Variants in IL10RA observed in about 807,000 individuals in gnomAD.
IL10RA encodes the protein interleukin 10 receptor subunit alpha.
A neutral mutation model predicts 29.6 loss-of-function variants in IL10RA; 18 were observed. The ratio of observed to expected loss-of-function variants is 0.61; its 90% CI spans 0.42 to 0.90. IL10RA has a LOEUF of 0.90. Among genes scored for constraint, IL10RA ranks in the 40% least tolerant of loss-of-function variants. The pLI, the probability that IL10RA is intolerant of heterozygous loss-of-function variation, is 0.00. For missense variants in IL10RA, 634 were observed against 716.6 expected (o/e 0.88, Z 1.32); for synonymous variants, 292 against 294.1 (o/e 0.99, Z 0.07).
intron 1 of IL10RA, chr11:117,987,671 A>G (rs1397122248): frequency 7.0e-5 from 11 of 157,560 alleles, no homozygotes; most frequent in Admixed American, 6.8e-4. Context: ...AATGGTGTGT[A>G]CTGGGGGTAA....
At chr11:117,988,524 G>C (rs776942141) in intron 2 of IL10RA, 22 bp downstream of exon 2, 2 of 1,612,826 alleles carry the variant, frequency 1.2e-6, no homozygotes, top group South Asian at 1.1e-5. Context: ...GGAAGAGGGA[G>C]GGGGAGGGAG....
At chr11:117,987,054 G>GCCAGTTCAGGCTTCTAAC (rs979608206) in intron 1 of IL10RA, 1 of 373,346 alleles carries the variant, frequency 2.7e-6, no homozygotes, top group African/African-American at 2.1e-5. Context: ...TCCTAACCCA[G>GCCAGTTCAGGCTTCTAAC]CCAGTTCAGG....
intron 5 of IL10RA, 120 bp downstream of exon 5, chr11:117,994,269 C>A: frequency 1.3e-6 from 1 of 778,122 alleles, no homozygotes; most frequent in Non-Finnish European, 2.1e-6. Context: ...CTTCACATAG[C>A]TCTGCATCCT....
chr11:117,999,336 G>T lies in IL10RA; in HGVS notation c.1432G>T (p.Gly478Trp). 2 of 1,614,224 alleles carry T rather than the reference G, an allele frequency of 1.2e-6. No individual in the cohort carries two copies. Among genetic ancestry groups the T allele is most frequent in the Non-Finnish European group, 1.7e-6 (2 of 1,180,040 alleles). The change falls in exon 7 of 7, where the codon GGG becomes TGG. Residue 478 changes from glycine to tryptophan, a missense_variant. By Grantham distance (184) the Gly-to-Trp change is radical. Coordinates refer to ENST00000227752, the MANE Select transcript of IL10RA (RefSeq NM_001558.4). ...GACAGATGGCCTTGGCCCCAAATTC[G>T]GGAGATGCCTGGTTGATGAGGCAGG... ...PLTDGLGPKF[G>W]RCLVDEAGLH...
chr11:117,987,025 C>G, intron 1 of IL10RA: 1 of 403,916 alleles, frequency 2.5e-6, no homozygotes. Context: ...CTCACTCCCA[C>G]TGCCCCCTGC....
rs781535447 is a variant in IL10RA at position 117,999,338 on chromosome 11, G to A, written c.1434G>A (p.Gly478=). The A allele has an allele frequency of 1.9e-6, 3 of 1,614,246 alleles. No individual in the cohort carries two copies. Among genetic ancestry groups the A allele is most frequent in the East Asian group, 2.2e-5 (1 of 44,890 alleles). ...CAGATGGCCTTGGCCCCAAATTCGG[G>A]AGATGCCTGGTTGATGAGGCAGGCT... ...PLTDGLGPKF[G]RCLVDEAGLH... The change falls in exon 7 of 7, where the codon GGG becomes GGA. Residue 478 remains glycine (G), a synonymous_variant. Transcript: ENST00000227752.
Position 118,000,767 on chromosome 11 carries a change from T to A in IL10RA, c.*1126T>A. The A allele has an allele frequency of 2.2e-6, 1 of 454,296 alleles. No individual in the cohort carries two copies. Among genetic ancestry groups the A allele is most frequent in the Non-Finnish European group, 4.4e-6 (1 of 226,788 alleles). 28.1% of individuals were successfully genotyped at this position (454,296 alleles called of 1,614,324 possible). ...TGCTGGGTATTAGCCAAGCTGGTCC[T>A]GGGAGAATGCAGATACTGTCCGTGG... On this transcript the variant is annotated 3_prime_UTR_variant, in exon 7 of 7. Transcript: ENST00000227752.
Position 117,999,142 on chromosome 11 carries a change from C to T in IL10RA, c.1238C>T (p.Ala413Val). The T allele has an allele frequency of 6.2e-7, 1 of 1,613,816 alleles. No individual in the cohort carries two copies. Among genetic ancestry groups the T allele is most frequent in the Non-Finnish European group, 8.5e-7 (1 of 1,179,692 alleles). ...TTAGTTCAAAACTCTGAGGGCCGGG[C>T]TGGGGACACACAGGGTGGCTCGGCC... ...IDLVQNSEGR[A>V]GDTQGGSALG... Residue 413 changes from alanine (A) to valine (V), a missense_variant, in exon 7 of 7, where the codon GCT becomes GTT. By Grantham distance (64) the Ala-to-Val change is moderately conservative. Transcript: ENST00000227752.
chr11:117,998,085 G>A (rs1397958252), intron 6 of IL10RA, among the ~76,000 whole-genome samples: 1 of 152,176 alleles, frequency 6.6e-6, no homozygotes, highest in Non-Finnish European at 1.5e-5. Flanking sequence ...TTCACTGTGA[G>A]TTCCACACTT....
At position 117,994,547 on chromosome 11, in the gene IL10RA, C is replaced by T. The variant is rs901677981; in HGVS notation, c.688+398C>T. 4.6e-5 allele frequency among the ~76,000 whole-genome samples: 7 copies of T among 152,214 alleles called. No homozygotes were observed. In the South Asian group the frequency reaches 6.2e-4, roughly 13 times the overall value. Reference sequence around the variant, plus strand: ...GATACAAAGGGCTTCTCCTTACTTCCCCTACTCTGCTCTGCTCCTCGCCAG... The same window carrying T: ...GATACAAAGGGCTTCTCCTTACTTCTCCTACTCTGCTCTGCTCCTCGCCAG... On this transcript the variant is annotated intron_variant, in intron 5 of 6. Transcript: ENST00000227752.
chr11:117,999,679 T>A lies in IL10RA; in HGVS notation c.*38T>A. On this transcript the variant is annotated 3_prime_UTR_variant, in exon 7 of 7. Transcript: ENST00000227752. ...GGCTGCTTTTGATTTTAGCCATGCC[T>A]GCTCCTCTGCCTGGACCAGGAGGAG... 1 of 1,567,830 alleles carries A rather than the reference T, an allele frequency of 6.4e-7. No individual in the cohort carries two copies. Among genetic ancestry groups the A allele is most frequent in the Non-Finnish European group, 8.8e-7 (1 of 1,139,984 alleles).
chr11:118,000,276 G>C lies in IL10RA; in HGVS notation c.*635G>C. 2.2e-6 allele frequency: 1 copy of C among 454,230 alleles called. No homozygotes were observed. 28.1% of individuals were successfully genotyped at this position (454,230 alleles called of 1,614,324 possible). ...TGGATTCACTGAGGGGAGACAAAGGGAGCCGAGACCCTGGATGGGGCTTCC... is the reference window on the plus strand; with the variant it reads ...TGGATTCACTGAGGGGAGACAAAGGCAGCCGAGACCCTGGATGGGGCTTCC... On this transcript the variant is annotated 3_prime_UTR_variant, in exon 7 of 7. Coordinates refer to ENST00000227752, the MANE Select transcript of IL10RA (RefSeq NM_001558.4).
rs1028721434 is a variant in IL10RA, at chr11:117,987,974, A to G, written c.68-408A>G. On this transcript the variant is annotated intron_variant, in intron 1 of 6. Transcript: ENST00000227752. The stretch of plus-strand genomic sequence containing the variant: ...GTGGCTTTGAGCTGGAGCCTGGGCC[A>G]AGCCAGGGTGGGGATCAGGTGTGTG... The G allele has an allele frequency of 7.2e-5, 21 of 293,158 alleles. No individual in the cohort carries two copies. The East Asian group carries it at 1.3e-3, about 18-fold the overall frequency. The allele number at this position is 293,158 out of a possible 1,614,324, so 18.2% of individuals were successfully genotyped here. A position where few individuals can be genotyped will look rare whatever the true frequency, so the allele number is the denominator to read the frequency against.
At chr11:117,990,127 C>G (rs1458325764) in intron 3 of IL10RA, among the ~76,000 whole-genome samples, 1 of 152,084 alleles carries the variant, frequency 6.6e-6, no homozygotes, top group Non-Finnish European at 1.5e-5. Context: ...TTCATCCCAC[C>G]AGTTGGGATT....
intron 1 of IL10RA, chr11:117,986,865 T>C (rs1363016296): frequency 1.4e-6 from 2 of 1,395,004 alleles, no homozygotes; most frequent in South Asian, 1.2e-5. Context: ...ATGGGACTTC[T>C]TGTCCCCTTG....
At chr11:117,986,869 C>T (rs541615530) in intron 1 of IL10RA, 1 of 1,391,300 alleles carries the variant, frequency 7.2e-7, no homozygotes, top group Admixed American at 2.1e-5. Flanking sequence ...GACTTCTTGT[C>T]CCCTTGGGGA....
chr11:117,994,859 T>C (rs374999439), intron 5 of IL10RA: 29 of 155,590 alleles, frequency 1.9e-4, no homozygotes, highest in Admixed American at 5.0e-4. Context: ...CTGCTAGATC[T>C]GCAACAAATT....
At chr11:117,988,059 A>G (rs2057998302) in intron 1 of IL10RA, 1 of 408,752 alleles carries the variant, frequency 2.4e-6, no homozygotes, top group Admixed American at 3.6e-5. Flanking sequence ...AGAGCCAGGG[A>G]CTAACACATC....
Position 117,989,687 on chromosome 11 carries a change from A to G in IL10RA, c.367+67A>G. 2.0e-6 allele frequency: 3 copies of G among 1,504,392 alleles called. No homozygotes were observed. The highest frequency in any genetic ancestry group is 2.7e-6 in the Non-Finnish European group (3 of 1,094,660). The allele number at this position is 1,504,392 out of a possible 1,614,324, so 93.2% of individuals were successfully genotyped here. ...CTTCCAGCCAGGAACTCTAGTCTAG[A>G]GCTTTTCTGTCTATTACCATAGCTC... On this transcript the variant is annotated intron_variant, in intron 3 of 6. Transcript: ENST00000227752. The surrounding 1 kb of genome is among the most constrained non-coding windows in gnomAD (Gnocchi z 4.5).
Sources: gnomAD v4.1 joint callset for allele counts (sites outside exome capture counted in the v4.1 genomes callset) on GRCh38, gnomAD v4.1.1 for gene constraint, Gnocchi (gnomAD v3.1) non-coding constraint, MANE v1.5 for transcripts, NCBI Gene and HGNC (gene_info 2026-07-23, HGNC 2026-07-21) for gene names.